Variants in CNBD1 observed in about 807,000 individuals in gnomAD.
CNBD1 encodes the protein cyclic nucleotide-binding domain-containing protein 1.
In CNBD1, 71 loss-of-function variants were observed where a neutral mutation model predicts 54.4. The observed-to-expected ratio is 1.30, with a 90% CI of 1.08 to 1.59. The LOEUF (loss-of-function observed/expected upper bound fraction) is 1.59, where lower values mean the gene tolerates loss of function less well. CNBD1 is among the 40% of genes most tolerant of loss of function. The pLI is 0.00. For synonymous variants in CNBD1, 182 were observed against 170.7 expected (o/e 1.07, Z -0.51); for missense variants, 659 against 518.0 (o/e 1.27, Z -2.64).
intron 10 of CNBD1, among the ~76,000 whole-genome samples, chr8:87,370,784 A>T (rs1197167319): frequency 6.7e-6 from 1 of 148,458 alleles, no homozygotes; most frequent in East Asian, 2.0e-4. Context: ...TTGGTGTTTT[A>T]GACATGAAGT....
At chr8:87,041,745 G>A (rs1276095571) in intron 4 of CNBD1, among the ~76,000 whole-genome samples, 2 of 152,164 alleles carry the variant, frequency 1.3e-5, no homozygotes, top group African/African-American at 4.8e-5. Flanking sequence ...CTTGCAGTGA[G>A]CCAAGATCAT....
At chr8:86,921,338 C>A (rs1764612783) in intron 3 of CNBD1, among the ~76,000 whole-genome samples, 1 of 151,508 alleles carries the variant, frequency 6.6e-6, no homozygotes, top group Non-Finnish European at 1.5e-5. Flanking sequence ...TGAGATGCTC[C>A]TTGTGTTTTT....
At chr8:87,029,645 T>A (rs1327056924) in intron 4 of CNBD1, among the ~76,000 whole-genome samples, 1 of 152,138 alleles carries the variant, frequency 6.6e-6, no homozygotes, top group Admixed American at 6.6e-5. Context: ...GTGATTGCCT[T>A]TTATGAGAGA....
At chr8:87,299,227 G>T (rs909977316) in intron 8 of CNBD1, among the ~76,000 whole-genome samples, 1 of 151,942 alleles carries the variant, frequency 6.6e-6, no homozygotes, top group Admixed American at 6.6e-5. Context: ...CCAATTATTT[G>T]CTTTTGAGAG....
chr8:87,377,021 CTT>C (rs566160843), intron 10 of CNBD1, among the ~76,000 whole-genome samples: 8 of 128,100 alleles, frequency 6.2e-5, no homozygotes, highest in Non-Finnish European at 1.0e-4. Flanking sequence ...TATTTTTTTT[CTT>C]TTTTTTTTTT....
At chr8:87,127,228 A>T (rs1399002976) in intron 4 of CNBD1, among the ~76,000 whole-genome samples, 1 of 152,040 alleles carries the variant, frequency 6.6e-6, no homozygotes, top group African/African-American at 2.4e-5. Context: ...GGTGCATTCA[A>T]TTTGTAGATC....
intron 2 of CNBD1, among the ~76,000 whole-genome samples, chr8:86,899,417 T>C (rs1808899006): frequency 6.6e-6 from 1 of 152,074 alleles, no homozygotes; most frequent in Admixed American, 6.6e-5. Context: ...GTATGTATTC[T>C]AGAACATCAT....
intron 8 of CNBD1, among the ~76,000 whole-genome samples, chr8:87,349,815 C>G (rs1810248329): frequency 6.6e-6 from 1 of 152,128 alleles, no homozygotes; most frequent in Non-Finnish European, 1.5e-5. Context: ...AGCCAGTTCC[C>G]CCTCTAGGGA....
At chr8:86,888,874 TG>T (rs528551810) in intron 2 of CNBD1, among the ~76,000 whole-genome samples, 107 of 152,256 alleles carry the variant, frequency 7.0e-4, no homozygotes, top group Middle Eastern at 3.4e-3. Flanking sequence ...TTTTTCTCTT[TG>T]GGGGGTCATA....
chr8:87,153,543 C>T (rs1812650011), intron 4 of CNBD1, among the ~76,000 whole-genome samples: 1 of 152,168 alleles, frequency 6.6e-6, no homozygotes, highest in Non-Finnish European at 1.5e-5. Context: ...AAAATCTGCA[C>T]TCATCACACT....
At chr8:87,326,695 A>T (rs1809676077) in intron 8 of CNBD1, among the ~76,000 whole-genome samples, 1 of 97,344 alleles carries the variant, frequency 1.0e-5, no homozygotes. Context: ...TATTCTAGTT[A>T]TACATTCTTC....
At chr8:87,376,100 C>T (rs1586060627) in intron 10 of CNBD1, among the ~76,000 whole-genome samples, 1 of 151,894 alleles carries the variant, frequency 6.6e-6, no homozygotes, top group African/African-American at 2.4e-5. Flanking sequence ...TGTTCTATCA[C>T]TTACTGTAGA....
rs545906913 is a variant in CNBD1, at chr8:87,146,142, T to C, written c.432-59851T>C. 7.2e-5 allele frequency among the ~76,000 whole-genome samples: 11 copies of C among 152,250 alleles called. 1 individual carries two copies. The South Asian group carries it at 2.3e-3, about 32-fold the overall frequency. Reference sequence around the variant, plus strand: ...AATAGTGCCCAGTGTCCTCTGTTCATTTTAGAATTACATAAGTTTTACAAT... The same window carrying C: ...AATAGTGCCCAGTGTCCTCTGTTCACTTTAGAATTACATAAGTTTTACAAT... On this transcript the variant is annotated intron_variant, in intron 4 of 10. Transcript: ENST00000518476.
chr8:87,001,382 G>T (rs1808989596), intron 4 of CNBD1, among the ~76,000 whole-genome samples: 1 of 151,868 alleles, frequency 6.6e-6, no homozygotes, highest in East Asian at 1.9e-4. Flanking sequence ...TTTAAGTTTT[G>T]CTTTATTTTT....
In CNBD1 at chr8:86,975,460, T is replaced by C. The variant is rs2130498365; in HGVS notation, c.431+35706T>C. ...ATGTTTGACTTTTTTAGATTTTGCA[T>C]ATAGGTGAGATCATTGAGTATTTAA... is the stretch of plus-strand genomic sequence containing the variant. On this transcript the variant is annotated intron_variant, in intron 4 of 10. Coordinates refer to ENST00000518476, the MANE Select transcript of CNBD1 (RefSeq NM_173538.3). 4.6e-5 allele frequency among the ~76,000 whole-genome samples: 7 copies of C among 152,226 alleles called. 1 individual carries two copies. In the South Asian group the frequency reaches 1.5e-3, roughly 32 times the overall value.
chr8:87,351,624 T>C, intron 8 of CNBD1, 61 bp from the exon 9 acceptor site: 1 of 1,383,134 alleles, frequency 7.2e-7, no homozygotes, highest in South Asian at 1.5e-5. Context: ...GTTGCTAAAA[T>C]ATCTAAAATA....
At chr8:87,376,438 G>C (rs1194080841) in intron 10 of CNBD1, among the ~76,000 whole-genome samples, 1 of 151,830 alleles carries the variant, frequency 6.6e-6, no homozygotes, top group Non-Finnish European at 1.5e-5. Context: ...TGGACGTTAG[G>C]ATTTCAACCT....
intron 4 of CNBD1, among the ~76,000 whole-genome samples, chr8:87,014,896 AG>A (rs1273354708): frequency 6.6e-6 from 1 of 152,098 alleles, no homozygotes; most frequent in Non-Finnish European, 1.5e-5. Context: ...TATACAAAAA[AG>A]AATCTTGTAT....
chr8:87,345,963 G>T (rs1310250205), intron 8 of CNBD1, among the ~76,000 whole-genome samples: 1 of 152,044 alleles, frequency 6.6e-6, no homozygotes, highest in Admixed American at 6.6e-5. Context: ...CTTTGAAATG[G>T]AAATATATTG....
Sources: allele counts gnomAD v4.1 joint callset (sites outside exome capture counted in the v4.1 genomes callset), GRCh38; gene constraint gnomAD v4.1.1; transcripts MANE v1.5; gene names NCBI Gene and HGNC (gene_info 2026-07-23, HGNC 2026-07-21).